The following RIMS1 variants were observed in gnomAD, a reference collection of about 807,000 sequenced individuals.
RIMS1 encodes regulating synaptic membrane exocytosis 1.
In RIMS1, 83 loss-of-function variants were observed where a neutral mutation model predicts 214.1. The observed-to-expected ratio is 0.39, with a 90% confidence interval of 0.32 to 0.47. RIMS1 has a LOEUF of 0.47. Ranked by LOEUF, RIMS1 falls within the 20% of genes least tolerant of loss-of-function variation. RIMS1 has a pLI of 0.99. For missense variants in RIMS1, 2,050 were observed against 2,161.8 expected (o/e 0.95, Z 1.03); for synonymous variants, 793 against 786.8 (o/e 1.01, Z -0.13).
chr6:72,108,487 T>C (rs2035253934), intron 4 of RIMS1, among the ~76,000 whole-genome samples: 1 of 152,246 alleles, frequency 6.6e-6, no homozygotes, highest in African/African-American at 2.4e-5. Flanking sequence ...TACTATTTCA[T>C]TTCTATTATC....
At chr6:72,353,476 T>TA (rs1207764478) in intron 29 of RIMS1, among the ~76,000 whole-genome samples, 1 of 152,198 alleles carries the variant, frequency 6.6e-6, no homozygotes, top group African/African-American at 2.4e-5. Flanking sequence ...TTTTGACTCT[T>TA]AGAGTCCAGG....
At chr6:72,331,739 A>C (rs1233198375) in intron 28 of RIMS1, among the ~76,000 whole-genome samples, 2 of 151,916 alleles carry the variant, frequency 1.3e-5, no homozygotes, top group African/African-American at 2.4e-5. Context: ...GTCTCAAAAA[A>C]TGTACATAAA....
chr6:72,079,051 A>G lies in RIMS1; in HGVS notation c.246-17898A>G, dbSNP rs1832627373. ...AAAAGATGATTTAAAAAGCCCTAAGAGTTGGAGCTGTTTTTATTCCTTCAT... is the reference window on the plus strand; with the variant it reads ...AAAAGATGATTTAAAAAGCCCTAAGGGTTGGAGCTGTTTTTATTCCTTCAT... On this transcript the variant is annotated intron_variant, in intron 2 of 33. Coordinates refer to ENST00000521978, the MANE Select transcript of RIMS1 (RefSeq NM_014989.7). Among the ~76,000 whole-genome samples, 5 of 152,138 alleles carry G rather than the reference A, an allele frequency of 3.3e-5. No homozygotes were observed. The South Asian group carries it at 1.0e-3, about 31-fold the overall frequency.
At chr6:72,261,626 A>T (rs1591053418) in intron 19 of RIMS1, 1 of 985,086 alleles carries the variant, frequency 1.0e-6, no homozygotes, top group East Asian at 1.1e-4. Context: ...CAAATATTTT[A>T]GCCAATAAAA....
At chr6:72,097,214 A>G in intron 3 of RIMS1, 52 bp downstream of exon 3, 1 of 1,495,786 alleles carries the variant, frequency 6.7e-7, no homozygotes, top group Non-Finnish European at 9.3e-7. Context: ...AAAAACTATT[A>G]CGCCTTCCAA....
Position 72,214,612 on chromosome 6 carries a change from A to G in RIMS1, c.1679-19161A>G, listed in dbSNP as rs6913468. On this transcript the variant is annotated intron_variant, in intron 6 of 33. Transcript: ENST00000521978. ...AGAGAAAAGAAATAGGAATAGAGAA[A>G]TAAATATTTTTTTAAATCTCAAAAC... 2.9e-3 allele frequency among the ~76,000 whole-genome samples: 444 copies of G among 152,332 alleles called. 1 individual carries two copies. The highest frequency in any genetic ancestry group is 0.01 in the African/African-American group (427 of 41,582).
intron 22 of RIMS1, among the ~76,000 whole-genome samples, chr6:72,269,700 G>C (rs1591370229): frequency 6.6e-6 from 1 of 152,056 alleles, no homozygotes; most frequent in East Asian, 1.9e-4. Context: ...CTTCGGAACA[G>C]GTCCCTCACC....
chr6:71,906,435 A>T (rs992630557), intron 1 of RIMS1, among the ~76,000 whole-genome samples: 3 of 152,182 alleles, frequency 2.0e-5, no homozygotes, highest in African/African-American at 7.2e-5. Flanking sequence ...ACAGTTATGG[A>T]TGCTATCCCT....
Position 72,260,761 on chromosome 6 carries a change from C to G in RIMS1, c.3110C>G (p.Thr1037Ser), listed in dbSNP as rs898650043. ...GGACGAAGTGCAGAATGCCTACATACTACCAGGTAAATACAGGGATTTGGT... is the reference window on the plus strand; with the variant it reads ...GGACGAAGTGCAGAATGCCTACATAGTACCAGGTAAATACAGGGATTTGGT... Reference protein sequence around the residue: ...KRGRSAECLHTTRHLVRHYKT... With the variant: ...KRGRSAECLHSTRHLVRHYKT... Residue 1037 changes from threonine (T) to serine (S), a missense_variant, in exon 19 of 34, where the codon ACT becomes AGT. By Grantham distance (58) the Thr-to-Ser change is moderately conservative. This residue lies in a region of RIMS1 where 889 missense variants were observed against 885.5 expected (regional missense o/e 1.00). Coordinates refer to ENST00000521978, the MANE Select transcript of RIMS1 (RefSeq NM_014989.7). 2 of 1,612,204 alleles carry G rather than the reference C, an allele frequency of 1.2e-6. No homozygotes were observed. The highest frequency in any genetic ancestry group is 3.3e-5 in the Admixed American group (2 of 59,838).
At chr6:72,264,385 C>A (rs892276211) in intron 19 of RIMS1, among the ~76,000 whole-genome samples, 1 of 152,094 alleles carries the variant, frequency 6.6e-6, no homozygotes, top group Non-Finnish European at 1.5e-5. Context: ...TACCCTACTT[C>A]CAAAGGAAAA....
chr6:71,961,082 T>A (rs1310855516), intron 1 of RIMS1, among the ~76,000 whole-genome samples: 2 of 152,022 alleles, frequency 1.3e-5, no homozygotes, highest in African/African-American at 4.8e-5. Flanking sequence ...GGGAAAGAAG[T>A]ATTGAGGCAA....
intron 2 of RIMS1, among the ~76,000 whole-genome samples, chr6:71,993,637 G>A (rs1418604898): frequency 1.3e-5 from 2 of 152,172 alleles, no homozygotes; most frequent in African/African-American, 4.8e-5. Context: ...AGCAATCCAG[G>A]TGAACATGTC....
intron 4 of RIMS1, among the ~76,000 whole-genome samples, chr6:72,142,926 T>A (rs1251163777): frequency 6.6e-6 from 1 of 152,160 alleles, no homozygotes; most frequent in Non-Finnish European, 1.5e-5. Flanking sequence ...ACTAATTTAT[T>A]AGAAGTAGAG....
chr6:71,964,696 T>A (rs1793951593), intron 1 of RIMS1, among the ~76,000 whole-genome samples: 1 of 151,744 alleles, frequency 6.6e-6, no homozygotes. Context: ...AAAAAAAAAA[T>A]GAAAAGTTCT....
At position 72,307,378 on chromosome 6, in the gene RIMS1, T is replaced by C; in HGVS notation, c.3963+8T>C. 6.5e-7 allele frequency: 1 copy of C among 1,529,524 alleles called. No homozygotes were observed. The highest frequency in any genetic ancestry group is 9.0e-7 in the Non-Finnish European group (1 of 1,115,238). 94.7% of individuals were successfully genotyped at this position (1,529,524 alleles called of 1,614,324 possible). On this transcript the variant is annotated splice_region_variant and intron_variant, in intron 27 of 33. Transcript: ENST00000521978. ...CGCGAGCAATATTCCAAGGTAAAAT[T>C]AGTAGTATCCAACAAATAGTTTCCC...
chr6:72,280,417 T>G (rs2089503067), intron 23 of RIMS1, among the ~76,000 whole-genome samples: 1 of 152,084 alleles, frequency 6.6e-6, no homozygotes, highest in Non-Finnish European at 1.5e-5. Context: ...AAGACATGGC[T>G]GTGTTAAAAT....
At chr6:72,112,310 C>G (rs557013547) in intron 4 of RIMS1, among the ~76,000 whole-genome samples, 6 of 152,136 alleles carry the variant, frequency 3.9e-5, no homozygotes, top group African/African-American at 1.4e-4. Flanking sequence ...CTTTCCTTCT[C>G]AACCCCTCAT....
At chr6:72,174,117 C>A (rs536436104) in intron 4 of RIMS1, among the ~76,000 whole-genome samples, 1 of 152,322 alleles carries the variant, frequency 6.6e-6, no homozygotes, top group African/African-American at 2.4e-5. Flanking sequence ...TTGGTTACGG[C>A]CCTCCTCCAT....
intron 2 of RIMS1, among the ~76,000 whole-genome samples, chr6:72,062,934 C>G (rs926526744): frequency 1.3e-5 from 2 of 152,150 alleles, no homozygotes; most frequent in African/African-American, 4.8e-5. Context: ...GATTAGGGCT[C>G]TCTCTAATAA....
Sources: gnomAD v4.1 joint callset for allele counts (sites outside exome capture counted in the v4.1 genomes callset) on GRCh38, gnomAD v4.1.1 for gene constraint, gnomAD v4.1.1 regional missense constraint, MANE v1.5 for transcripts, NCBI Gene and HGNC (gene_info 2026-07-23, HGNC 2026-07-21) for gene names.